Variants in HDDC2 observed in about 807,000 individuals in gnomAD.
HDDC2 encodes the protein 5'-deoxynucleotidase HDDC2.
HDDC2 carries 25 observed loss-of-function variants against 25.5 expected under a neutral mutation model. That is an observed-to-expected ratio of 0.98 (90% CI 0.72 to 1.37). The LOEUF (loss-of-function observed/expected upper bound fraction) is 1.37. Ranked by LOEUF, HDDC2 falls within the 40% of genes most tolerant of loss-of-function variation. HDDC2 has a pLI of 0.00. For synonymous variants in HDDC2, 106 were observed against 89.7 expected (o/e 1.18, Z -1.03); for missense variants, 264 against 253.1 (o/e 1.04, Z -0.29).
chr6:125,275,450 CTGA>C lies in HDDC2; in HGVS notation c.*693_*695del, dbSNP rs1798353499. 2.6e-5 allele frequency: 4 copies of C among 152,114 alleles called. No individual in the cohort carries two copies. The highest frequency in any genetic ancestry group is 6.5e-5 in the Admixed American group (1 of 15,282). The allele number at this position is 152,114 out of a possible 1,614,324, so 9.4% of individuals were successfully genotyped here. A position where few individuals can be genotyped will look rare whatever the true frequency, so the allele number is the denominator to read the frequency against. On this transcript the variant is annotated 3_prime_UTR_variant, in exon 6 of 6. Coordinates refer to ENST00000398153, the MANE Select transcript of HDDC2 (RefSeq NM_016063.3). The stretch of plus-strand genomic sequence containing the variant: ...CCCAGTTCCTATTTATATTTCTCAC[CTGA>C]TGATACATGCTTTTACAATAAAGGT...
intron 1 of HDDC2, 68 bp downstream of exon 1, chr6:125,301,781 G>A (rs1024930416): frequency 8.3e-6 from 10 of 1,207,696 alleles, no homozygotes; most frequent in African/African-American, 3.2e-5. Flanking sequence ...GAGCGGGGAG[G>A]CCGGAAGCTC....
chr6:125,298,211 A>G (rs527489961), intron 3 of HDDC2, among the ~76,000 whole-genome samples: 3 of 151,388 alleles, frequency 2.0e-5, no homozygotes, highest in Admixed American at 2.0e-4. Flanking sequence ...TAACAAATCT[A>G]CACATGTACC....
At chr6:125,282,161 C>T (rs929126143) in intron 4 of HDDC2, among the ~76,000 whole-genome samples, 12 of 152,100 alleles carry the variant, frequency 7.9e-5, no homozygotes, top group African/African-American at 2.9e-4. Context: ...GCCTGGCCAA[C>T]ATGGTGAAAC....
chr6:125,281,102 G>A (rs1798451221), intron 4 of HDDC2, among the ~76,000 whole-genome samples: 1 of 152,232 alleles, frequency 6.6e-6, no homozygotes, highest in Admixed American at 6.5e-5. Context: ...CAGCAGACCT[G>A]CAGAAGAGGG....
intron 4 of HDDC2, 131 bp downstream of exon 4, chr6:125,292,710 A>G (rs1338586526): frequency 2.7e-6 from 2 of 732,478 alleles, no homozygotes; most frequent in African/African-American, 3.5e-5. Context: ...CTGGGAAGTG[A>G]GAAACAGACA....
chr6:125,284,859 G>A lies in HDDC2; in HGVS notation c.379-7619C>T, dbSNP rs568296763. Among the ~76,000 whole-genome samples, 39 of 152,294 alleles carry A rather than the reference G, an allele frequency of 2.6e-4. No homozygotes were observed. The East Asian group carries it at 7.5e-3, about 29-fold the overall frequency. ...AAATCATTCTGCTATAAAGACACAT[G>A]CACACGTATGTTTAATGGGGCACTA... On this transcript the variant is annotated intron_variant, in intron 4 of 5. Coordinates refer to ENST00000398153, the MANE Select transcript of HDDC2 (RefSeq NM_016063.3).
chr6:125,285,614 G>GA (rs1423730299), intron 4 of HDDC2, among the ~76,000 whole-genome samples: 1 of 151,236 alleles, frequency 6.6e-6, no homozygotes, highest in Non-Finnish European at 1.5e-5. Context: ...AAAGCAAAAG[G>GA]AAAACTATAC....
chr6:125,281,190 C>A (rs1583049135), intron 4 of HDDC2, among the ~76,000 whole-genome samples: 2 of 152,180 alleles, frequency 1.3e-5, no homozygotes, highest in Non-Finnish European at 2.9e-5. Context: ...CACACAAAAA[C>A]TCCATCCAAA....
At chr6:125,276,291 G>C (rs571053531) in intron 5 of HDDC2, 48 bp from the exon 6 acceptor site, 2 of 1,379,730 alleles carry the variant, frequency 1.4e-6, no homozygotes, top group African/African-American at 2.8e-5. Context: ...ATTGACAAGA[G>C]AGTATATTCA....
chr6:125,288,638 A>G (rs1332262374), intron 4 of HDDC2, among the ~76,000 whole-genome samples: 18 of 151,776 alleles, frequency 1.2e-4, no homozygotes, highest in Non-Finnish European at 2.1e-4. Flanking sequence ...TTACAAGAAA[A>G]AAACAAACAA....
rs1379372236 is a variant in HDDC2 at position 125,275,963 on chromosome 6, C to T, written c.*183G>A. 5 of 583,526 alleles carry T rather than the reference C, an allele frequency of 8.6e-6. No individual in the cohort carries two copies. The highest frequency in any genetic ancestry group is 2.2e-5 in the South Asian group (1 of 45,892). 36.1% of individuals were successfully genotyped at this position (583,526 alleles called of 1,614,324 possible). Reference sequence around the variant, plus strand: ...TGTTCATCCATGGCACTTTCATGACCGCTTCCTGTTCTGTGGCTTCTTTTA... The same window carrying T: ...TGTTCATCCATGGCACTTTCATGACTGCTTCCTGTTCTGTGGCTTCTTTTA... On this transcript the variant is annotated 3_prime_UTR_variant, in exon 6 of 6. Transcript: ENST00000398153.
Position 125,298,962 on chromosome 6 carries a change from T to C in HDDC2, c.207-146A>G, listed in dbSNP as rs1583056506. On this transcript the variant is annotated intron_variant, in intron 2 of 5. Coordinates refer to ENST00000398153, the MANE Select transcript of HDDC2 (RefSeq NM_016063.3). ...AATGTAGTATTTTCTAAAGTAGTTA[T>C]ATTCTGCCAGCCTACAACAGTTCTG... The C allele has an allele frequency of 5.3e-6, 3 of 567,438 alleles. No homozygotes were observed. The East Asian group carries it at 8.5e-5, about 16-fold the overall frequency. 35.2% of individuals were successfully genotyped at this position (567,438 alleles called of 1,614,324 possible). A position where few individuals can be genotyped will look rare whatever the true frequency, so the allele number is the denominator to read the frequency against.
chr6:125,298,180 G>T (rs1046193622), intron 3 of HDDC2, among the ~76,000 whole-genome samples: 1 of 151,074 alleles, frequency 6.6e-6, no homozygotes. Context: ...CCAAACCTCA[G>T]CATCACACAA....
At chr6:125,277,555 T>C (rs956682766) in intron 4 of HDDC2, 34 of 251,660 alleles carry the variant, frequency 1.4e-4, no homozygotes, top group Non-Finnish European at 2.3e-4. Flanking sequence ...TTTAAGACCA[T>C]TGTTCTTTAA....
In HDDC2 at chr6:125,290,624, A is replaced by G. The variant is rs527701516; in HGVS notation, c.378+2217T>C. ...TTATTCAATAGAGAGAAATTTGGAC[A>G]TGGGTTCTGACGTAGGGCCAATACC... On this transcript the variant is annotated intron_variant, in intron 4 of 5. Coordinates refer to ENST00000398153, the MANE Select transcript of HDDC2 (RefSeq NM_016063.3). 9.7e-4 allele frequency among the ~76,000 whole-genome samples: 148 copies of G among 152,190 alleles called. 1 individual carries two copies. Among genetic ancestry groups the G allele is most frequent in the Non-Finnish European group, 1.4e-3 (92 of 68,026 alleles).
At chr6:125,292,763 T>C in intron 4 of HDDC2, 78 bp downstream of exon 4, 2 of 1,096,016 alleles carry the variant, frequency 1.8e-6, no homozygotes, top group Middle Eastern at 2.9e-4. Context: ...GTTAAGATCA[T>C]CTAAGTCAAG....
intron 2 of HDDC2, among the ~76,000 whole-genome samples, chr6:125,299,403 T>C (rs1342889842): frequency 6.6e-6 from 1 of 152,132 alleles, no homozygotes; most frequent in Non-Finnish European, 1.5e-5. Flanking sequence ...CGAGATTACA[T>C]TTGACAACTT....
chr6:125,297,437 T>C, intron 3 of HDDC2: 1 of 396,768 alleles, frequency 2.5e-6, no homozygotes, highest in Non-Finnish European at 4.4e-6. Flanking sequence ...TTTGGGTAGG[T>C]TGGAACTCTT....
At chr6:125,280,626 C>T (rs1243726834) in intron 4 of HDDC2, among the ~76,000 whole-genome samples, 1 of 152,244 alleles carries the variant, frequency 6.6e-6, no homozygotes, top group African/African-American at 2.4e-5. Flanking sequence ...CGGAGCCCAC[C>T]ACATCGCTGC....
Sources: allele counts gnomAD v4.1 joint callset (sites outside exome capture counted in the v4.1 genomes callset), GRCh38; gene constraint gnomAD v4.1.1; transcripts MANE v1.5; gene names NCBI Gene and HGNC (gene_info 2026-07-23, HGNC 2026-07-21).